XYLT1: variants seen among roughly 807,000 people sequenced by gnomAD.
The protein encoded by XYLT1 is xylosyltransferase 1.
A neutral mutation model predicts 91.3 loss-of-function variants in XYLT1; 36 were observed. That is an observed-to-expected ratio of 0.39 (90% confidence interval 0.30 to 0.52). The LOEUF (loss-of-function observed/expected upper bound fraction) is 0.52. Ranked by LOEUF, XYLT1 falls within the 20% of genes least tolerant of loss-of-function variation. The pLI is 0.68. For synonymous variants in XYLT1, 588 were observed against 532.0 expected (o/e 1.11, Z -1.45); for missense variants, 1,242 against 1,284.5 (o/e 0.97, Z 0.51).
chr16:17,376,980 C>G (rs925070687), intron 1 of XYLT1, among the ~76,000 whole-genome samples: 15 of 152,036 alleles, frequency 9.9e-5, no homozygotes, highest in African/African-American at 3.4e-4. Context: ...AGTTCGAGAC[C>G]AGCCTGGCCA....
At chr16:17,339,034 A>G (rs1352777860) in intron 2 of XYLT1, among the ~76,000 whole-genome samples, 3 of 152,254 alleles carry the variant, frequency 2.0e-5, no homozygotes, top group Non-Finnish European at 4.4e-5. Context: ...CAGGAGGGAA[A>G]AAAGAGAGAG....
intron 2 of XYLT1, among the ~76,000 whole-genome samples, chr16:17,337,050 C>T (rs2034991207): frequency 6.6e-6 from 1 of 152,140 alleles, no homozygotes; most frequent in South Asian, 2.1e-4. Context: ...TATTATTCAG[C>T]CCCAGAAAGG....
intron 3 of XYLT1, among the ~76,000 whole-genome samples, chr16:17,201,865 A>T (rs1399488842): frequency 6.6e-6 from 1 of 152,084 alleles, no homozygotes; most frequent in Non-Finnish European, 1.5e-5. Flanking sequence ...GAAGAAAACT[A>T]ATGTGGAGTA....
intron 2 of XYLT1, among the ~76,000 whole-genome samples, chr16:17,315,853 A>G (rs1293880049): frequency 6.6e-6 from 1 of 152,164 alleles, no homozygotes; most frequent in East Asian, 1.9e-4. Flanking sequence ...CCTTGCCCTG[A>G]TCATGCCTCG....
At chr16:17,340,373 G>C (rs2035048610) in intron 2 of XYLT1, among the ~76,000 whole-genome samples, 1 of 152,236 alleles carries the variant, frequency 6.6e-6, no homozygotes, top group Non-Finnish European at 1.5e-5. Flanking sequence ...GCTGAACACA[G>C]AGCTCTGTCT....
At chr16:17,257,209 T>C (rs999499868) in intron 3 of XYLT1, among the ~76,000 whole-genome samples, 1 of 150,846 alleles carries the variant, frequency 6.6e-6, no homozygotes, top group Non-Finnish European at 1.5e-5. Flanking sequence ...TGGCCAGGAG[T>C]AAAGAGTGAA....
At position 17,340,352 on chromosome 16, in the gene XYLT1, G is replaced by T. The variant is rs538585672; in HGVS notation, c.402+17660C>A. ...CACAGAATGTGCCTGCAGCTCAGCT[G>T]TCTTTCACAGGCTGAACACAGAGCT... On this transcript the variant is annotated intron_variant, in intron 2 of 11. Transcript: ENST00000261381. Among the ~76,000 whole-genome samples, 19 of 152,360 alleles carry T rather than the reference G, an allele frequency of 1.2e-4. No individual in the cohort carries two copies. The East Asian group carries it at 3.3e-3, about 26-fold the overall frequency.
At chr16:17,172,473 T>TTC (rs1555485077) in intron 5 of XYLT1, among the ~76,000 whole-genome samples, 1 of 145,432 alleles carries the variant, frequency 6.9e-6, no homozygotes, top group African/African-American at 2.5e-5. Context: ...TTTCTTTTTT[T>TTC]TTTTTTTTTT....
intron 3 of XYLT1, among the ~76,000 whole-genome samples, chr16:17,206,890 C>A (rs1392639314): frequency 6.6e-6 from 1 of 152,144 alleles, no homozygotes; most frequent in East Asian, 1.9e-4. Context: ...GTGTGCCAGA[C>A]TCCAAAACCC....
intron 1 of XYLT1, among the ~76,000 whole-genome samples, chr16:17,456,732 A>G (rs949087697): frequency 6.6e-6 from 1 of 152,146 alleles, no homozygotes; most frequent in Non-Finnish European, 1.5e-5. Flanking sequence ...CATTTGACAC[A>G]CAGGCTCCTG....
intron 2 of XYLT1, among the ~76,000 whole-genome samples, chr16:17,308,046 C>T (rs1335418315): frequency 1.3e-5 from 2 of 152,208 alleles, no homozygotes; most frequent in Non-Finnish European, 2.9e-5. Context: ...GATATACCCT[C>T]AGTGTGTCCA....
chr16:17,156,529 A>G (rs2031411752), intron 6 of XYLT1, among the ~76,000 whole-genome samples: 1 of 152,254 alleles, frequency 6.6e-6, no homozygotes, highest in Non-Finnish European at 1.5e-5. Context: ...ATGGGGCCAG[A>G]AAAACTTGGG....
At position 17,200,537 on chromosome 16, in the gene XYLT1, C is replaced by T. The variant is rs757356673; in HGVS notation, c.1031G>A (p.Arg344His). 11 of 1,614,058 alleles carry T rather than the reference C, an allele frequency of 6.8e-6. No individual in the cohort carries two copies. The highest frequency in any genetic ancestry group is 3.3e-5 in the South Asian group (3 of 91,088). Residue 344 changes from arginine to histidine, a missense_variant, in exon 4 of 12, where the codon CGC (arginine) becomes CAC (histidine). Arg to His is a conservative substitution (Grantham distance 29). This residue lies in a region of XYLT1 where 294 missense variants were observed against 376.0 expected (regional missense o/e 0.78). Coordinates refer to ENST00000261381, the MANE Select transcript of XYLT1 (RefSeq NM_022166.4). The stretch of plus-strand genomic sequence containing the variant: ...TTTGTGGTAGATGGCCTTGAACATG[C>T]GCTGCAACTGCCGAGAGGCACGGCC... ...VHGRASRQLQRMFKAIYHKDH... is the reference protein window; with the variant it reads ...VHGRASRQLQHMFKAIYHKDH...
At chr16:17,197,014 AAT>A (rs536988187) in intron 5 of XYLT1, among the ~76,000 whole-genome samples, 20 of 110,342 alleles carry the variant, frequency 1.8e-4, no homozygotes, top group Non-Finnish European at 1.7e-4. Flanking sequence ...CTGTCTCCAA[AAT>A]ATATATATAT....
intron 3 of XYLT1, among the ~76,000 whole-genome samples, chr16:17,233,662 A>G (rs1001287655): frequency 1.3e-5 from 2 of 152,218 alleles, no homozygotes; most frequent in African/African-American, 4.8e-5. Flanking sequence ...TTTCAGATTA[A>G]AACTCAGATT....
intron 2 of XYLT1, among the ~76,000 whole-genome samples, chr16:17,354,242 G>A (rs976363125): frequency 2.0e-4 from 31 of 152,158 alleles, no homozygotes; most frequent in African/African-American, 6.3e-4. Flanking sequence ...CTGACACCAG[G>A]GATTTAAACC....
intron 1 of XYLT1, among the ~76,000 whole-genome samples, chr16:17,425,579 C>G (rs1326777507): frequency 6.6e-6 from 1 of 152,174 alleles, no homozygotes; most frequent in Non-Finnish European, 1.5e-5. Flanking sequence ...ACATGGCACC[C>G]AAGCCCATAT....
At chr16:17,220,576 G>A (rs954436193) in intron 3 of XYLT1, among the ~76,000 whole-genome samples, 4 of 152,164 alleles carry the variant, frequency 2.6e-5, no homozygotes, top group Non-Finnish European at 4.4e-5. Flanking sequence ...GGGTTCAAGC[G>A]ATTCTCCTGC....
intron 1 of XYLT1, among the ~76,000 whole-genome samples, chr16:17,437,486 G>A (rs764918466): frequency 1.3e-5 from 2 of 152,140 alleles, no homozygotes; most frequent in Non-Finnish European, 2.9e-5. Context: ...TCCAGGAAAT[G>A]GTCCCACGTG....
Sources: gnomAD v4.1 joint callset for allele counts (sites outside exome capture counted in the v4.1 genomes callset) on GRCh38, gnomAD v4.1.1 for gene constraint, gnomAD v4.1.1 regional missense constraint, MANE v1.5 for transcripts, NCBI Gene and HGNC (gene_info 2026-07-23, HGNC 2026-07-21) for gene names.